The following ANAPC4 variants were observed in gnomAD, a reference collection of about 807,000 sequenced individuals.
The protein encoded by ANAPC4 is anaphase promoting complex subunit 4, also known as anaphase-promoting complex subunit 4.
In ANAPC4, 63 loss-of-function variants were observed where a neutral mutation model predicts 119.8. That is an observed-to-expected ratio of 0.53 (90% CI 0.43 to 0.65). The LOEUF is 0.65. ANAPC4 is among the 30% of genes least tolerant of loss of function. The probability of loss-of-function intolerance (pLI) is 0.00; values close to 1 mark genes in which losing one functional copy is unlikely to be tolerated. For missense variants in ANAPC4, 716 were observed against 945.1 expected (o/e 0.76, Z 3.18); for synonymous variants, 283 against 318.6 (o/e 0.89, Z 1.19).
intron 27 of ANAPC4, 39 bp downstream of exon 27, chr4:25,416,637 TG>T (rs751736350): frequency 3.9e-5 from 56 of 1,422,166 alleles, no homozygotes; most frequent in East Asian, 7.3e-5. Context: ...TACAGTTAAA[TG>T]TTTTTTTAAT....
intron 7 of ANAPC4, 68 bp downstream of exon 7, chr4:25,388,950 C>A: frequency 7.7e-7 from 1 of 1,291,868 alleles, no homozygotes; most frequent in Non-Finnish European, 1.1e-6. Context: ...TTTTCAGAAG[C>A]TTTAAGAGCA....
At chr4:25,393,671 AT>A (rs1286243169) in intron 10 of ANAPC4, 133 bp from the exon 11 acceptor site, 10 of 536,304 alleles carry the variant, frequency 1.9e-5, no homozygotes, top group Non-Finnish European at 2.9e-5. Flanking sequence ...CGATAAATAA[AT>A]AATAAAAATA....
chr4:25,387,675 A>G (rs893990422), intron 4 of ANAPC4, among the ~76,000 whole-genome samples: 1 of 121,168 alleles, frequency 8.3e-6, no homozygotes. Flanking sequence ...TACTTGCTAA[A>G]TCACCACTTT....
At chr4:25,393,945 C>A in intron 11 of ANAPC4, 54 bp downstream of exon 11, 1 of 1,381,116 alleles carries the variant, frequency 7.2e-7, no homozygotes, top group Non-Finnish European at 1.0e-6. Context: ...TGATGTATGT[C>A]TTTACCTTGA....
rs11939932 is a variant in ANAPC4, at chr4:25,405,678, G to A, written c.1317+59G>A. 8,747 of 1,546,682 alleles carry A rather than the reference G, an allele frequency of 5.7e-3. 308 individuals are homozygous for A. In the African/African-American group the frequency reaches 0.087, roughly 15 times the overall value. ...CATTGTCCTGCTTGAACTCAGCTGTGCTGGTCATTTTGGTACTCTTATTCA... is the reference window on the plus strand; with the variant it reads ...CATTGTCCTGCTTGAACTCAGCTGTACTGGTCATTTTGGTACTCTTATTCA... On this transcript the variant is annotated intron_variant, in intron 18 of 28. Transcript: ENST00000315368. This position sits in a 1 kb window ranked among gnomAD's most constrained non-coding sequence, Gnocchi z 4.6.
chr4:25,385,853 G>A (rs1425774133), intron 4 of ANAPC4, among the ~76,000 whole-genome samples: 1 of 152,176 alleles, frequency 6.6e-6, no homozygotes, highest in Non-Finnish European at 1.5e-5. Context: ...CTGTGCAAAG[G>A]AAGAGAGAGG....
intron 2 of ANAPC4, among the ~76,000 whole-genome samples, chr4:25,380,084 GTTCTT>G (rs1476856245): frequency 2.0e-5 from 3 of 152,140 alleles, no homozygotes; most frequent in African/African-American, 4.8e-5. Flanking sequence ...TGGTGTTTGT[GTTCTT>G]TTATTTCTTT....
chr4:25,406,224 A>G (rs181092005), intron 18 of ANAPC4, among the ~76,000 whole-genome samples: 30 of 152,360 alleles, frequency 2.0e-4, no homozygotes, highest in South Asian at 1.2e-3. Flanking sequence ...TCCACTTTCT[A>G]CAACTCGTTT....
At chr4:25,413,505 G>T in intron 21 of ANAPC4, 140 bp from the exon 22 acceptor site, 13 of 562,396 alleles carry the variant, frequency 2.3e-5, no homozygotes, top group African/African-American at 3.9e-5. Flanking sequence ...GAGGTTGTGT[G>T]AAAATCCAAT....
chr4:25,401,547 C>T, intron 16 of ANAPC4, among the ~76,000 whole-genome samples: 1 of 152,214 alleles, frequency 6.6e-6, no homozygotes, highest in African/African-American at 2.4e-5. Context: ...TTCTGTTAGA[C>T]CTGACATTGC....
intron 4 of ANAPC4, among the ~76,000 whole-genome samples, chr4:25,387,643 T>A (rs1722111975): frequency 2.0e-5 from 3 of 152,022 alleles, no homozygotes. Flanking sequence ...AGACAGCTCC[T>A]TTTTATTAAA....
intron 4 of ANAPC4, among the ~76,000 whole-genome samples, chr4:25,387,216 G>A (rs1320835359): frequency 6.6e-6 from 1 of 152,180 alleles, no homozygotes; most frequent in Non-Finnish European, 1.5e-5. Context: ...AGTGAAGAAG[G>A]CCGGAGGAAT....
chr4:25,413,908 T>G, intron 22 of ANAPC4, 166 bp downstream of exon 22: 1 of 584,956 alleles, frequency 1.7e-6, no homozygotes. Flanking sequence ...AACCTAATAC[T>G]CCAACTTAAG....
chr4:25,392,956 G>GGTGCAA (rs1283148684), intron 10 of ANAPC4, among the ~76,000 whole-genome samples: 27 of 152,256 alleles, frequency 1.8e-4, no homozygotes, highest in African/African-American at 5.1e-4. Context: ...GGGCATCGAG[G>GGTGCAA]GTGCAAGTGG....
At chr4:25,407,990 A>G (rs1368751643) in intron 20 of ANAPC4, among the ~76,000 whole-genome samples, 1 of 152,242 alleles carries the variant, frequency 6.6e-6, no homozygotes, top group Non-Finnish European at 1.5e-5. Context: ...TTACAATATA[A>G]TTTAGTTAAG....
intron 16 of ANAPC4, among the ~76,000 whole-genome samples, chr4:25,401,264 A>C (rs942935861): frequency 6.6e-6 from 1 of 151,966 alleles, no homozygotes; most frequent in African/African-American, 2.4e-5. Flanking sequence ...TCAGGAGGCA[A>C]TTTAAAGTTG....
At chr4:25,386,711 T>C (rs1722057369) in intron 4 of ANAPC4, among the ~76,000 whole-genome samples, 1 of 152,226 alleles carries the variant, frequency 6.6e-6, no homozygotes. Flanking sequence ...ATAGACTTGC[T>C]TGGCTGATAG....
intron 9 of ANAPC4, 147 bp downstream of exon 9, chr4:25,391,162 AGT>A: frequency 1.7e-6 from 1 of 596,842 alleles, no homozygotes; most frequent in Non-Finnish European, 2.9e-6. Context: ...TAATATACTG[AGT>A]GTTATTATAG....
intron 16 of ANAPC4, among the ~76,000 whole-genome samples, chr4:25,398,846 A>G (rs10032586): frequency 0.063 from 9,549 of 151,938 alleles, 369 homozygotes; most frequent in South Asian, 0.13. Flanking sequence ...GTCATAGATA[A>G]TTATGAGTTT....
Sources: allele counts gnomAD v4.1 joint callset (sites outside exome capture counted in the v4.1 genomes callset), GRCh38; gene constraint gnomAD v4.1.1; non-coding constraint Gnocchi (gnomAD v3.1); transcripts MANE v1.5; gene names NCBI Gene and HGNC (gene_info 2026-07-23, HGNC 2026-07-21).